The following PRKDC variants were observed in gnomAD, a reference collection of about 807,000 sequenced individuals.
The protein encoded by PRKDC is protein kinase, DNA-activated, catalytic subunit.
In PRKDC, 82 loss-of-function variants were observed where a neutral mutation model predicts 486.9. The observed-to-expected ratio is 0.17, with a 90% CI of 0.14 to 0.20. The LOEUF (loss-of-function observed/expected upper bound fraction) is 0.20. Ranked by LOEUF, PRKDC falls within the 10% of genes least tolerant of loss-of-function variation. PRKDC has a pLI of 1.00. For missense variants in PRKDC, 4,504 were observed against 5,038.2 expected (o/e 0.89, Z 3.21); for synonymous variants, 1,895 against 1,837.0 (o/e 1.03, Z -0.81).
At position 47,859,113 on chromosome 8, in the gene PRKDC, G is replaced by A. The variant is rs8178145; in HGVS notation, c.6208-127C>T. 34,899 of 1,016,874 alleles carry A rather than the reference G, an allele frequency of 0.034. 759 individuals are homozygous for A. Among genetic ancestry groups the A allele is most frequent in the South Asian group, 0.041 (2,690 of 65,758 alleles). 63.0% of individuals were successfully genotyped at this position (1,016,874 alleles called of 1,614,324 possible). A position where few individuals can be genotyped will look rare whatever the true frequency, so the allele number is the denominator to read the frequency against. ...ACACTTAGGTAATAATGATAATCTG[G>A]TAATAATATCAAATACACTCACTGT... is the stretch of plus-strand genomic sequence containing the variant. On this transcript the variant is annotated intron_variant, in intron 46 of 85. Coordinates refer to ENST00000314191, the MANE Select transcript of PRKDC (RefSeq NM_006904.7).
chr8:47,897,479 T>G (rs1213997401), intron 29 of PRKDC, among the ~76,000 whole-genome samples, 185 bp from the exon 30 acceptor site: 1 of 152,234 alleles, frequency 6.6e-6, no homozygotes, highest in Non-Finnish European at 1.5e-5. Context: ...GTGAAATGGG[T>G]CCTAAATGCT....
intron 59 of PRKDC, among the ~76,000 whole-genome samples, 152 bp downstream of exon 59, chr8:47,834,044 T>C (rs1589729284): frequency 6.6e-6 from 1 of 152,338 alleles, no homozygotes; most frequent in East Asian, 1.9e-4. Context: ...TTCTTCAGCA[T>C]GGTGAGTGCC....
At chr8:47,936,127 T>C (rs1310772990) in intron 12 of PRKDC, among the ~76,000 whole-genome samples, 1 of 152,028 alleles carries the variant, frequency 6.6e-6, no homozygotes, top group Admixed American at 6.6e-5. Flanking sequence ...CAAGCAACAA[T>C]TCCAAATCTT....
chr8:47,813,214 T>A (rs2087372389), intron 68 of PRKDC, among the ~76,000 whole-genome samples: 2 of 151,870 alleles, frequency 1.3e-5, no homozygotes, highest in Admixed American at 1.3e-4. Context: ...ACCTCCTGGG[T>A]TCAAGTGATT....
Position 47,897,017 on chromosome 8 carries a change from T to G in PRKDC, c.3598+144A>C, listed in dbSNP as rs1461482505. ...ATCACATGCTGAAACAGAACTGCAT[T>G]ACCTCATCAACTGTTAATATTCTGA... On this transcript the variant is annotated intron_variant, in intron 30 of 85. Coordinates refer to ENST00000314191, the MANE Select transcript of PRKDC (RefSeq NM_006904.7). The G allele has an allele frequency of 4.4e-6, 4 of 910,670 alleles. No individual in the cohort carries two copies. In the African/African-American group the frequency reaches 4.9e-5, roughly 11 times the overall value. 56.4% of individuals were successfully genotyped at this position (910,670 alleles called of 1,614,324 possible).
chr8:47,869,303 A>G (rs1391110416), intron 40 of PRKDC, among the ~76,000 whole-genome samples: 1 of 151,336 alleles, frequency 6.6e-6, no homozygotes, highest in African/African-American at 2.4e-5. Context: ...AGTAAAGAGG[A>G]CTTTGTCTTG....
At chr8:47,848,511 T>C (rs187184958) in intron 54 of PRKDC, among the ~76,000 whole-genome samples, 1 of 150,948 alleles carries the variant, frequency 6.6e-6, no homozygotes, top group Non-Finnish European at 1.5e-5. Context: ...GAGGCAAGAG[T>C]TGAAAAACTA....
chr8:47,888,628 T>G lies in PRKDC; in HGVS notation c.4303A>C (p.Asn1435His). 6.3e-7 allele frequency: 1 copy of G among 1,593,254 alleles called. No individual in the cohort carries two copies. Among genetic ancestry groups the G allele is most frequent in the South Asian group, 1.2e-5 (1 of 86,680 alleles). ...ACTTGCGCGTCAGGGCCATACAAGT[T>G]GACGGCACAAAGCTCCTCAATGCTG... is the stretch of plus-strand genomic sequence containing the variant. The part of the protein sequence containing the change: ...AQSIEELCAV[N>H]LYGPDAQVDR... Residue 1435 changes from asparagine (N) to histidine (H), a missense_variant, in exon 34 of 86, where the codon AAC becomes CAC. By Grantham distance (68) the Asn-to-His change is moderately conservative. Coordinates refer to ENST00000314191, the MANE Select transcript of PRKDC (RefSeq NM_006904.7).
intron 54 of PRKDC, among the ~76,000 whole-genome samples, chr8:47,845,529 T>G (rs1266551361): frequency 6.6e-6 from 1 of 151,572 alleles, no homozygotes; most frequent in African/African-American, 2.4e-5. Context: ...CGTAAGCAAA[T>G]TAGGAAACCT....
At chr8:47,843,454 G>C (rs1339474780) in intron 54 of PRKDC, among the ~76,000 whole-genome samples, 1 of 152,124 alleles carries the variant, frequency 6.6e-6, no homozygotes, top group African/African-American at 2.4e-5. Flanking sequence ...TCCTGAAAGA[G>C]ACAACTTGGA....
At position 47,807,140 on chromosome 8, in the gene PRKDC, C is replaced by A; in HGVS notation, c.9744G>T (p.Lys3248Asn). 1 of 1,613,316 alleles carries A rather than the reference C, an allele frequency of 6.2e-7. No individual in the cohort carries two copies. Among genetic ancestry groups the A allele is most frequent in the Non-Finnish European group, 8.5e-7 (1 of 1,179,500 alleles). Reference protein sequence around the residue: ...MKMKMIDSARKQNNFSLAMKL... With the variant: ...MKMKMIDSARNQNNFSLAMKL... ...GAGGACAGACACGAGTACCCACCTGCTTCCGGGCACTGTCTATCATCTTCA... is the reference window on the plus strand; with the variant it reads ...GAGGACAGACACGAGTACCCACCTGATTCCGGGCACTGTCTATCATCTTCA... The change falls in exon 69 of 86, where the codon AAG becomes AAT. Residue 3248 changes from lysine (K) to asparagine (N), a missense_variant. Physicochemically the swap from Lys to Asn is moderately conservative, Grantham distance 94. Transcript: ENST00000314191.
chr8:47,783,954 C>A (rs1005776374), intron 77 of PRKDC, 145 bp from the exon 78 acceptor site: 1 of 794,744 alleles, frequency 1.3e-6, no homozygotes, highest in African/African-American at 1.7e-5. Context: ...AGGGAACTGA[C>A]TTTAAAAAAA....
chr8:47,852,219 C>A (rs1172565636), intron 52 of PRKDC, among the ~76,000 whole-genome samples: 2 of 152,176 alleles, frequency 1.3e-5, no homozygotes, highest in African/African-American at 4.8e-5. Context: ...ATCTCACAGT[C>A]CTGTCCAGTG....
chr8:47,906,689 T>C (rs907438839), intron 25 of PRKDC, among the ~76,000 whole-genome samples: 1 of 151,300 alleles, frequency 6.6e-6, no homozygotes, highest in Non-Finnish European at 1.5e-5. Flanking sequence ...TGATATCCTG[T>C]ACATTTCTGC....
chr8:47,943,582 G>A (rs562859828), intron 9 of PRKDC, among the ~76,000 whole-genome samples: 29 of 152,300 alleles, frequency 1.9e-4, no homozygotes, highest in African/African-American at 6.5e-4. Context: ...GGTCAGAAGT[G>A]GAATCAGGAT....
intron 5 of PRKDC, among the ~76,000 whole-genome samples, 192 bp from the exon 6 acceptor site, chr8:47,954,111 T>C (rs1431650536): frequency 1.3e-5 from 2 of 152,218 alleles, no homozygotes; most frequent in Admixed American, 1.3e-4. Context: ...ATATTTGTCA[T>C]ATCTTGTGAG....
intron 34 of PRKDC, 25 bp from the exon 35 acceptor site, chr8:47,887,730 G>T: frequency 6.4e-7 from 1 of 1,572,104 alleles, no homozygotes; most frequent in Non-Finnish European, 8.6e-7. Flanking sequence ...ACACTGAAAT[G>T]CCTAGCAAAA....
rs1472570247 is a variant in PRKDC at position 47,943,928 on chromosome 8, C to T, written c.778-45G>A. ...TTCACCATCAGTATTTGAAAGTCTG[C>T]ACTGTAAAGGCATTAGAATAATATT... On this transcript the variant is annotated intron_variant, in intron 8 of 85. Transcript: ENST00000314191. The T allele has an allele frequency of 4.5e-6, 7 of 1,562,746 alleles. No homozygotes were observed. The Admixed American group carries it at 7.2e-5, about 16-fold the overall frequency.
In PRKDC at chr8:47,934,100, A is replaced by G; in HGVS notation, c.1498-10T>C. On this transcript the variant is annotated splice_polypyrimidine_tract_variant and intron_variant, in intron 14 of 85. Transcript: ENST00000314191. ...ATTCAGACTCAGGGCCCTGGCCAGA[A>G]AGACAGCATGACAATATGTAGTGAT... 6.2e-7 allele frequency: 1 copy of G among 1,610,768 alleles called. No individual in the cohort carries two copies. Among genetic ancestry groups the G allele is most frequent in the Non-Finnish European group, 8.5e-7 (1 of 1,178,278 alleles).
Sources: allele counts gnomAD v4.1 joint callset (sites outside exome capture counted in the v4.1 genomes callset), GRCh38; gene constraint gnomAD v4.1.1; transcripts MANE v1.5; gene names NCBI Gene and HGNC (gene_info 2026-07-23, HGNC 2026-07-21).